The following LRMDA variants were observed in gnomAD, a reference collection of about 807,000 sequenced individuals.
LRMDA encodes leucine-rich melanocyte differentiation-associated protein.
In LRMDA, 18 loss-of-function variants were observed where a neutral mutation model predicts 29.8. The observed-to-expected ratio is 0.60, with a 90% CI of 0.42 to 0.90. The LOEUF (loss-of-function observed/expected upper bound fraction) is 0.90. Ranked by LOEUF, LRMDA falls within the 40% of genes least tolerant of loss-of-function variation. LRMDA has a pLI of 0.00. For missense variants in LRMDA, 273 were observed against 273.9 expected, an observed-to-expected ratio of 1.00 and a Z score of 0.02; for synonymous variants, 125 against 109.4, an observed-to-expected ratio of 1.14 and a Z score of -0.89.
rs1554894317 is a variant in LRMDA, at chr10:75,493,346, T to TGG, written c.131+54854_131+54855dup. Among the ~76,000 whole-genome samples, 636 of 99,112 alleles carry TGG rather than the reference T, an allele frequency of 6.4e-3. 8 individuals are homozygous for TGG. Among genetic ancestry groups the TGG allele is most frequent in the African/African-American group, 0.02 (552 of 27,560 alleles). 65.0% of individuals were successfully genotyped at this position (99,112 alleles called of 152,430 possible). ...AGAGAGAGCCATAGAGGGTTGAGAT[T>TGG]GGGTGTGTGTGTGTGTGTGTGTGTG... is the stretch of plus-strand genomic sequence containing the variant. On this transcript the variant is annotated intron_variant, in intron 2 of 6. Transcript: ENST00000611255.
chr10:76,319,344 A>C (rs1840740577), intron 5 of LRMDA: 1 of 152,230 alleles, frequency 6.6e-6, no homozygotes, highest in African/African-American at 2.4e-5. Flanking sequence ...AAGTTAATAT[A>C]GTTAATCTCC....
At chr10:75,720,951 C>T (rs1842559713) in intron 2 of LRMDA, among the ~76,000 whole-genome samples, 1 of 152,196 alleles carries the variant, frequency 6.6e-6, no homozygotes, top group South Asian at 2.1e-4. Flanking sequence ...GTTTGGGTTT[C>T]ATCAGGGTAT....
At chr10:76,257,591 C>G (rs1167570103) in intron 5 of LRMDA, among the ~76,000 whole-genome samples, 1 of 152,078 alleles carries the variant, frequency 6.6e-6, no homozygotes, top group Non-Finnish European at 1.5e-5. Flanking sequence ...ACCTCAGCCT[C>G]CCAAAGTGCT....
chr10:76,517,573 C>A (rs1428410368), intron 6 of LRMDA, among the ~76,000 whole-genome samples: 2 of 151,860 alleles, frequency 1.3e-5, no homozygotes, highest in Non-Finnish European at 2.9e-5. Context: ...ACTGTATATT[C>A]AACTAAAAGA....
At chr10:76,166,347 A>G (rs921500054) in intron 5 of LRMDA, among the ~76,000 whole-genome samples, 1 of 152,122 alleles carries the variant, frequency 6.6e-6, no homozygotes, top group Non-Finnish European at 1.5e-5. Context: ...TCAGGGGTAC[A>G]TGTGCAGGTT....
At chr10:75,556,011 T>TC (rs1277575213) in intron 2 of LRMDA, among the ~76,000 whole-genome samples, 2 of 152,086 alleles carry the variant, frequency 1.3e-5, no homozygotes, top group African/African-American at 4.8e-5. Flanking sequence ...TATTCAGTCT[T>TC]GAAAAAATTG....
chr10:76,464,107 C>G (rs997263832), intron 6 of LRMDA, among the ~76,000 whole-genome samples: 4 of 151,914 alleles, frequency 2.6e-5, no homozygotes, highest in African/African-American at 9.7e-5. Context: ...TTAGTAGAGA[C>G]AGGGTTTCTC....
At chr10:75,449,151 CAAAAAAAAAA>C (rs779723533) in intron 2 of LRMDA, among the ~76,000 whole-genome samples, 1 of 50,282 alleles carries the variant, frequency 2.0e-5, no homozygotes, top group Non-Finnish European at 4.3e-5. Context: ...GACTCCATCT[CAAAAAAAAAA>C]AAAAAAAAAA....
chr10:75,721,832 T>C (rs1842571279), intron 2 of LRMDA, among the ~76,000 whole-genome samples: 1 of 152,238 alleles, frequency 6.6e-6, no homozygotes, highest in Non-Finnish European at 1.5e-5. Flanking sequence ...GTATTCCATA[T>C]ATCACACACT....
At chr10:76,147,740 C>T (rs1850356663) in intron 5 of LRMDA, among the ~76,000 whole-genome samples, 1 of 152,208 alleles carries the variant, frequency 6.6e-6, no homozygotes, top group Admixed American at 6.5e-5. Context: ...AGCTGCGTTC[C>T]TTCGGAGGAG....
chr10:75,624,485 AT>A (rs1841226886), intron 2 of LRMDA, among the ~76,000 whole-genome samples: 1 of 152,300 alleles, frequency 6.6e-6, no homozygotes, highest in South Asian at 2.1e-4. Context: ...ATGGGAATGT[AT>A]TTTATCACAT....
chr10:76,242,504 G>A (rs1852295041), intron 5 of LRMDA, among the ~76,000 whole-genome samples: 1 of 152,170 alleles, frequency 6.6e-6, no homozygotes, highest in Non-Finnish European at 1.5e-5. Flanking sequence ...AATCCCTGGT[G>A]TGCTATCACT....
chr10:76,199,914 C>T (rs907049579), intron 5 of LRMDA, among the ~76,000 whole-genome samples: 2 of 152,264 alleles, frequency 1.3e-5, no homozygotes, highest in South Asian at 4.1e-4. Flanking sequence ...GTATGGTACA[C>T]CGATCAATTA....
At chr10:76,183,256 C>A (rs1002223496) in intron 5 of LRMDA, among the ~76,000 whole-genome samples, 2 of 152,204 alleles carry the variant, frequency 1.3e-5, no homozygotes, top group African/African-American at 4.8e-5. Context: ...TCCCAAGGAA[C>A]AAAGGCCACA....
rs116855575 is a variant in LRMDA, at chr10:75,948,143, T to A, written c.132-87865T>A. On this transcript the variant is annotated intron_variant, in intron 2 of 6. Transcript: ENST00000611255. Reference sequence around the variant, plus strand: ...TTATACGTTCCAGCCCCACATTTAATGGTTGGTGATTGTGAGGGTTAAAGG... The same window carrying A: ...TTATACGTTCCAGCCCCACATTTAAAGGTTGGTGATTGTGAGGGTTAAAGG... Among the ~76,000 whole-genome samples the A allele has an allele frequency of 2.0e-5, 3 of 152,296 alleles. No homozygotes were observed. The East Asian group carries it at 5.8e-4, about 29-fold the overall frequency.
intron 6 of LRMDA, among the ~76,000 whole-genome samples, chr10:76,431,231 G>C (rs1409814390): frequency 3.3e-5 from 5 of 152,298 alleles, no homozygotes. Flanking sequence ...CTAGGTGCTT[G>C]GGGAGTGAAT....
chr10:76,157,626 A>G (rs1190441748), intron 5 of LRMDA, among the ~76,000 whole-genome samples: 2 of 151,912 alleles, frequency 1.3e-5, no homozygotes, highest in South Asian at 2.1e-4. Flanking sequence ...AAAAACAAAA[A>G]AAAAGACCCT....
intron 5 of LRMDA, among the ~76,000 whole-genome samples, chr10:76,099,215 C>G (rs1849359783): frequency 6.6e-6 from 1 of 152,156 alleles, no homozygotes; most frequent in South Asian, 2.1e-4. Context: ...CTGTTATTGT[C>G]TTTGTTTTGA....
At chr10:76,412,881 CCTCT>C (rs752540838) in intron 6 of LRMDA, among the ~76,000 whole-genome samples, 2 of 151,952 alleles carry the variant, frequency 1.3e-5, no homozygotes, top group Non-Finnish European at 1.5e-5. Flanking sequence ...TGTTGCCTTT[CCTCT>C]CTCTCTTTCC....
Sources: allele counts gnomAD v4.1 joint callset (sites outside exome capture counted in the v4.1 genomes callset), GRCh38; gene constraint gnomAD v4.1.1; transcripts MANE v1.5; gene names NCBI Gene and HGNC (gene_info 2026-07-23, HGNC 2026-07-21).